Variants in FCHSD2 observed in about 807,000 individuals in gnomAD.
FCHSD2 encodes the protein F-BAR and double SH3 domains protein 2.
Under a neutral mutation model 108.1 loss-of-function variants are expected in FCHSD2, and 38 were observed. That is an observed-to-expected ratio of 0.35 (90% CI 0.27 to 0.46). The LOEUF is 0.46. Among genes scored for constraint, FCHSD2 ranks in the 20% least tolerant of loss-of-function variants. FCHSD2 has a pLI of 1.00. For synonymous variants in FCHSD2, 279 were observed against 314.7 expected (o/e 0.89, Z 1.20); for missense variants, 751 against 897.8 (o/e 0.84, Z 2.09).
intron 5 of FCHSD2, among the ~76,000 whole-genome samples, chr11:72,994,886 T>C (rs763432572): frequency 6.6e-6 from 1 of 152,228 alleles, no homozygotes; most frequent in Non-Finnish European, 1.5e-5. Flanking sequence ...TTTTAAAGTA[T>C]ACAATTCAGT....
intron 3 of FCHSD2, among the ~76,000 whole-genome samples, chr11:73,037,489 T>A (rs1858526827): frequency 6.6e-6 from 1 of 152,232 alleles, no homozygotes; most frequent in African/African-American, 2.4e-5. Flanking sequence ...TACTATCTCA[T>A]AATTATGCCC....
Position 72,847,955 on chromosome 11 carries a change from A to G in FCHSD2, c.1443+1800T>C, listed in dbSNP as rs112744819. Among the ~76,000 whole-genome samples the G allele has an allele frequency of 5.9e-3, 899 of 152,202 alleles. 4 individuals are homozygous for G. The highest frequency in any genetic ancestry group is 0.014 in the South Asian group (68 of 4,816). On this transcript the variant is annotated intron_variant, in intron 14 of 19. Transcript: ENST00000409418. Reference sequence around the variant, plus strand: ...GATCCACCTGCCTCATTTTCCCAAAATGTTGGGATTACAGGCGTGAGCCAC... The same window carrying G: ...GATCCACCTGCCTCATTTTCCCAAAGTGTTGGGATTACAGGCGTGAGCCAC...
intron 3 of FCHSD2, among the ~76,000 whole-genome samples, chr11:73,024,043 A>T (rs114905990): frequency 0.013 from 2,053 of 152,254 alleles, 48 homozygotes; most frequent in African/African-American, 0.045. Flanking sequence ...TGGTGAACTA[A>T]TATACATAGT....
At chr11:72,973,157 C>T (rs1440431982) in intron 8 of FCHSD2, among the ~76,000 whole-genome samples, 1 of 152,100 alleles carries the variant, frequency 6.6e-6, no homozygotes, top group Non-Finnish European at 1.5e-5. Flanking sequence ...CACCTGAGGT[C>T]AGGAGTTCAA....
intron 2 of FCHSD2, among the ~76,000 whole-genome samples, chr11:73,100,838 C>T (rs1381381753): frequency 1.3e-5 from 2 of 151,162 alleles, no homozygotes; most frequent in African/African-American, 4.9e-5. Flanking sequence ...CTGGGCATTC[C>T]TTTTTTTAGA....
At chr11:73,118,117 G>A (rs531320337) in intron 2 of FCHSD2, among the ~76,000 whole-genome samples, 6 of 152,234 alleles carry the variant, frequency 3.9e-5, no homozygotes, top group South Asian at 2.1e-4. Context: ...ACGCATTCCC[G>A]AGACCAGCCT....
chr11:72,842,700 A>G lies in FCHSD2; in HGVS notation c.1847T>C (p.Ile616Thr), dbSNP rs1254664191. Residue 616 changes from isoleucine to threonine, a missense_variant, in exon 17 of 20, where the codon ATT becomes ACT. Physicochemically the swap from Ile to Thr is moderately conservative, Grantham distance 89. Coordinates refer to ENST00000409418, the MANE Select transcript of FCHSD2 (RefSeq NM_014824.3). ...GFWEGEFNGR[I>T]GVFPSVLVEE... is the part of the protein sequence containing the mutation. Reference sequence around the variant, plus strand: ...CACTAGCACCGATGGGAAAACTCCAATACGCCCATTGAATTCCCCTTCCCA... The same window carrying G: ...CACTAGCACCGATGGGAAAACTCCAGTACGCCCATTGAATTCCCCTTCCCA... The G allele has an allele frequency of 1.2e-6, 2 of 1,614,050 alleles. No homozygotes were observed. The highest frequency in any genetic ancestry group is 2.2e-5 in the East Asian group (1 of 44,888).
intron 8 of FCHSD2, among the ~76,000 whole-genome samples, chr11:72,983,265 G>C (rs1836825384): frequency 6.6e-6 from 1 of 150,740 alleles, no homozygotes; most frequent in South Asian, 2.1e-4. Flanking sequence ...CTGCACTCCA[G>C]CCTGGGCGAC....
intron 2 of FCHSD2, among the ~76,000 whole-genome samples, chr11:73,090,472 G>A (rs1179715971): frequency 2.0e-5 from 3 of 151,970 alleles, no homozygotes; most frequent in African/African-American, 7.3e-5. Context: ...TGATCCGCCC[G>A]CCTCGGCCTC....
intron 8 of FCHSD2, among the ~76,000 whole-genome samples, chr11:72,956,527 C>A (rs563506449): frequency 2.7e-4 from 41 of 152,310 alleles, no homozygotes; most frequent in African/African-American, 9.6e-4. Flanking sequence ...TAATCAACAG[C>A]ATTAATTTCT....
At chr11:72,962,940 G>A (rs1455119722) in intron 8 of FCHSD2, among the ~76,000 whole-genome samples, 1 of 152,150 alleles carries the variant, frequency 6.6e-6, no homozygotes, top group Non-Finnish European at 1.5e-5. Flanking sequence ...GCACACTGGA[G>A]CCAGACTGGT....
intron 2 of FCHSD2, among the ~76,000 whole-genome samples, chr11:73,113,833 G>T (rs1259871941): frequency 6.6e-6 from 1 of 152,176 alleles, no homozygotes; most frequent in Non-Finnish European, 1.5e-5. Context: ...TATGTTTCTT[G>T]AAAACTTGTA....
rs546892677 is a variant in FCHSD2 at position 72,837,700 on chromosome 11, C to T, written c.*1091G>A. 13 of 152,326 alleles carry T rather than the reference C, an allele frequency of 8.5e-5. No homozygotes were observed. The highest frequency in any genetic ancestry group is 8.5e-4 in the Admixed American group (13 of 15,304). 9.4% of individuals were successfully genotyped at this position (152,326 alleles called of 1,614,324 possible). On this transcript the variant is annotated 3_prime_UTR_variant, in exon 20 of 20. Coordinates refer to ENST00000409418, the MANE Select transcript of FCHSD2 (RefSeq NM_014824.3). The stretch of plus-strand genomic sequence containing the variant: ...TGTGCAGGGTGCGCAATCCTTCAGT[C>T]CTTTCTCATAGAAAGCTGGTTTCCT...
intron 5 of FCHSD2, among the ~76,000 whole-genome samples, chr11:72,995,011 C>T (rs979624872): frequency 6.6e-6 from 1 of 152,122 alleles, no homozygotes; most frequent in Non-Finnish European, 1.5e-5. Flanking sequence ...CTTCCAACAA[C>T]AATTAATCTA....
intron 3 of FCHSD2, among the ~76,000 whole-genome samples, chr11:73,044,474 G>A (rs1403404923): frequency 6.6e-6 from 1 of 152,076 alleles, no homozygotes; most frequent in Non-Finnish European, 1.5e-5. Flanking sequence ...TAGCTACTCA[G>A]GAGGCTGAAG....
chr11:73,086,886 C>G (rs1338536282), intron 2 of FCHSD2, among the ~76,000 whole-genome samples: 1 of 152,142 alleles, frequency 6.6e-6, no homozygotes, highest in Admixed American at 6.5e-5. Flanking sequence ...AAAAGGAAGA[C>G]AAATCTGATA....
chr11:72,992,599 T>C (rs1200415459), intron 5 of FCHSD2, among the ~76,000 whole-genome samples: 1 of 152,100 alleles, frequency 6.6e-6, no homozygotes, highest in Non-Finnish European at 1.5e-5. Context: ...TCAGAAATAA[T>C]GCCACATATC....
chr11:73,121,889 A>T (rs1860742671), intron 2 of FCHSD2, among the ~76,000 whole-genome samples: 1 of 152,208 alleles, frequency 6.6e-6, no homozygotes, highest in African/African-American at 2.4e-5. Flanking sequence ...CAAGTTCCAG[A>T]TGGTGTTGAT....
At chr11:72,846,249 C>T (rs374900099) in intron 14 of FCHSD2, among the ~76,000 whole-genome samples, 2 of 149,364 alleles carry the variant, frequency 1.3e-5, no homozygotes, top group East Asian at 2.0e-4. Context: ...GGTGCCATCT[C>T]GGCTCACTGC....
Sources: gnomAD v4.1 joint callset for allele counts (sites outside exome capture counted in the v4.1 genomes callset) on GRCh38, gnomAD v4.1.1 for gene constraint, MANE v1.5 for transcripts, NCBI Gene and HGNC (gene_info 2026-07-23, HGNC 2026-07-21) for gene names.